GRTP1: variants seen among roughly 807,000 people sequenced by gnomAD.
The protein encoded by GRTP1 is growth hormone-regulated TBC protein 1.
A neutral mutation model predicts 38.1 loss-of-function variants in GRTP1; 56 were observed. The ratio of observed to expected loss-of-function variants is 1.47; its 90% CI spans 1.19 to 1.84. The LOEUF is 1.84. Among genes scored for constraint, GRTP1 ranks in the 40% most tolerant of loss-of-function variants. GRTP1 has a pLI of 0.00. For missense variants in GRTP1, 506 were observed against 453.9 expected (o/e 1.11, Z -1.04); for synonymous variants, 217 against 189.5 (o/e 1.14, Z -1.19).
chr13:113,350,040 C>A (rs2139491769), intron 4 of GRTP1, among the ~76,000 whole-genome samples: 1 of 152,258 alleles, frequency 6.6e-6, no homozygotes, highest in Non-Finnish European at 1.5e-5. Context: ...GCCACGGGGA[C>A]TCACAGGCAG....
chr13:113,337,845 G>A (rs867181611), intron 5 of GRTP1, among the ~76,000 whole-genome samples: 1 of 152,244 alleles, frequency 6.6e-6, no homozygotes, highest in African/African-American at 2.4e-5. Context: ...TGGCAATTGC[G>A]GCGCCAAGAG....
At chr13:113,352,372 A>ATT (rs1566438134) in intron 3 of GRTP1, among the ~76,000 whole-genome samples, 14 of 128,012 alleles carry the variant, frequency 1.1e-4, no homozygotes, top group East Asian at 2.1e-4. Context: ...ATATATATAT[A>ATT]TATATTTATA....
In GRTP1 at chr13:113,336,675, C is replaced by T. The variant is rs569321019; in HGVS notation, c.562+8188G>A. On this transcript the variant is annotated intron_variant, in intron 5 of 7. Coordinates refer to ENST00000375431, the MANE Select transcript of GRTP1 (RefSeq NM_024719.4). ...CTACCTCTGCACTGGGAACACGAGA[C>T]CCCACCTGATGTCCTGAAGCCCTGA... 2.0e-5 allele frequency among the ~76,000 whole-genome samples: 3 copies of T among 152,242 alleles called. No homozygotes were observed. The South Asian group carries it at 6.2e-4, about 32-fold the overall frequency.
chr13:113,358,600 A>G (rs2043438437), intron 2 of GRTP1, among the ~76,000 whole-genome samples: 1 of 152,206 alleles, frequency 6.6e-6, no homozygotes, highest in South Asian at 2.1e-4. Flanking sequence ...CGTGGTACTG[A>G]AAAAAAGGTA....
At position 113,348,312 on chromosome 13, in the gene GRTP1, G is replaced by A. The variant is rs145288325; in HGVS notation, c.465+2537C>T. The stretch of plus-strand genomic sequence containing the variant: ...TACAAAACATACAAAAATTACTCGA[G>A]CGTGGTGGCGCACCTGTGGTCCCAG... On this transcript the variant is annotated intron_variant, in intron 4 of 7. Coordinates refer to ENST00000375431, the MANE Select transcript of GRTP1 (RefSeq NM_024719.4). The surrounding 1 kb of genome is among the most constrained non-coding windows in gnomAD (Gnocchi z 4.8). Among the ~76,000 whole-genome samples the A allele has an allele frequency of 6.6e-4, 100 of 152,238 alleles. No homozygotes were observed. The highest frequency in any genetic ancestry group is 1.4e-3 in the African/African-American group (57 of 41,546).
In GRTP1 at chr13:113,349,212, A is replaced by G. The variant is rs2043219589; in HGVS notation, c.465+1637T>C. On this transcript the variant is annotated intron_variant, in intron 4 of 7. Transcript: ENST00000375431. This position sits in a 1 kb window ranked among gnomAD's most constrained non-coding sequence, Gnocchi z 5.0. ...GTTTGTTTCTCGGTTTTTTTCAGACAGGGTCTTGCTCTGTTGCCCAGGCTG... is the reference window on the plus strand; with the variant it reads ...GTTTGTTTCTCGGTTTTTTTCAGACGGGGTCTTGCTCTGTTGCCCAGGCTG... Among the ~76,000 whole-genome samples the G allele has an allele frequency of 6.6e-6, 1 of 150,960 alleles. No homozygotes were observed. The highest frequency in any genetic ancestry group is 6.6e-5 in the Admixed American group (1 of 15,144).
chr13:113,348,456 T>C lies in GRTP1; in HGVS notation c.465+2393A>G, dbSNP rs1227071947. Among the ~76,000 whole-genome samples the C allele has an allele frequency of 1.3e-5, 2 of 152,144 alleles. No homozygotes were observed. Among genetic ancestry groups the C allele is most frequent in the African/African-American group, 2.4e-5 (1 of 41,416 alleles). On this transcript the variant is annotated intron_variant, in intron 4 of 7. Transcript: ENST00000375431. This position sits in a 1 kb window ranked among gnomAD's most constrained non-coding sequence, Gnocchi z 4.8. ...ACAGAGCGAGACCGTGTGCACTGTG[T>C]AACTCTACACATATGCCACACATTG...
chr13:113,344,829 C>A, intron 5 of GRTP1, 34 bp downstream of exon 5: 2 of 1,562,952 alleles, frequency 1.3e-6, no homozygotes, highest in Non-Finnish European at 1.7e-6. Context: ...AGAAACAGGA[C>A]AGTTCGGGCA....
At chr13:113,327,530 C>T (rs769243712) in intron 5 of GRTP1, among the ~76,000 whole-genome samples, 55 of 152,220 alleles carry the variant, frequency 3.6e-4, no homozygotes, top group Non-Finnish European at 2.8e-4. Context: ...CAAACACTGA[C>T]GCAACATCAC....
In GRTP1 at chr13:113,324,469, A is replaced by G. The variant is rs1256627361; in HGVS notation, c.*19T>C. 3.8e-6 allele frequency: 6 copies of G among 1,593,988 alleles called. No individual in the cohort carries two copies. The highest frequency in any genetic ancestry group is 1.8e-5 in the Admixed American group (1 of 56,990). On this transcript the variant is annotated 3_prime_UTR_variant, in exon 8 of 8. Transcript: ENST00000375431. The stretch of plus-strand genomic sequence containing the variant: ...GGCATCGTCAGTGTAGAGACGAGCA[A>G]CGCAGGGGACAGGCACGCTCACCCC...
intron 5 of GRTP1, among the ~76,000 whole-genome samples, chr13:113,329,446 C>CA: frequency 6.6e-6 from 1 of 152,018 alleles, no homozygotes; most frequent in East Asian, 1.9e-4. Flanking sequence ...GGCGTGGTGG[C>CA]CAGCACCTGT....
At chr13:113,352,378 T>TTATA (rs35762514) in intron 3 of GRTP1, among the ~76,000 whole-genome samples, 1 of 114,696 alleles carries the variant, frequency 8.7e-6, no homozygotes, top group Non-Finnish European at 1.8e-5. Flanking sequence ...ATATATATAT[T>TTATA]TATATATATA....
At chr13:113,347,437 T>C (rs1300397587) in intron 4 of GRTP1, among the ~76,000 whole-genome samples, 27 of 102,840 alleles carry the variant, frequency 2.6e-4, no homozygotes, top group African/African-American at 1.3e-3. Flanking sequence ...AGGACCTCTG[T>C]GGCTGAGAGC....
rs1236025344 is a variant in GRTP1 at position 113,348,228 on chromosome 13, G to A, written c.465+2621C>T. On this transcript the variant is annotated intron_variant, in intron 4 of 7. Coordinates refer to ENST00000375431, the MANE Select transcript of GRTP1 (RefSeq NM_024719.4). This position sits in a 1 kb window ranked among gnomAD's most constrained non-coding sequence, Gnocchi z 4.8. ...GCACTGTGAGAGGTAGAGGCAGGAG[G>A]ATCGCCTGAGCTCAGGAGTTCAAGA... 6.6e-6 allele frequency among the ~76,000 whole-genome samples: 1 copy of A among 152,180 alleles called. No homozygotes were observed. Among genetic ancestry groups the A allele is most frequent in the African/African-American group, 2.4e-5 (1 of 41,432 alleles).
Position 113,332,424 on chromosome 13 carries a change from C to T in GRTP1, c.563-6333G>A, listed in dbSNP as rs570183660. ...ACAGGTACACACGTGCACACGCACACCACACAGGCACACACGTGCACACGC... is the reference window on the plus strand; with the variant it reads ...ACAGGTACACACGTGCACACGCACATCACACAGGCACACACGTGCACACGC... On this transcript the variant is annotated intron_variant, in intron 5 of 7. Coordinates refer to ENST00000375431, the MANE Select transcript of GRTP1 (RefSeq NM_024719.4). Among the ~76,000 whole-genome samples the T allele has an allele frequency of 5.6e-3, 831 of 148,050 alleles. 3 individuals are homozygous for T. Among genetic ancestry groups the T allele is most frequent in the Middle Eastern group, 0.022 (6 of 276 alleles).
intron 3 of GRTP1, among the ~76,000 whole-genome samples, chr13:113,353,524 G>A (rs548887574): frequency 6.6e-6 from 1 of 152,318 alleles, no homozygotes; most frequent in African/African-American, 2.4e-5. Context: ...GCAGCCCACG[G>A]GACTCCTCTT....
rs1441651155 is a variant in GRTP1 at position 113,324,591 on chromosome 13, A to G, written c.922-14T>C. On this transcript the variant is annotated splice_polypyrimidine_tract_variant and intron_variant, in intron 7 of 7. Coordinates refer to ENST00000375431, the MANE Select transcript of GRTP1 (RefSeq NM_024719.4). ...TGAAAATATTTTCTGGAAGGCAAACAGTTAGTTTAAAAACAAACCCAACAA... is the reference window on the plus strand; with the variant it reads ...TGAAAATATTTTCTGGAAGGCAAACGGTTAGTTTAAAAACAAACCCAACAA... The G allele has an allele frequency of 6.3e-7, 1 of 1,588,854 alleles. No individual in the cohort carries two copies. The highest frequency in any genetic ancestry group is 2.3e-5 in the East Asian group (1 of 43,642).
chr13:113,360,609 G>C (rs1384465291), intron 2 of GRTP1, among the ~76,000 whole-genome samples: 1 of 152,172 alleles, frequency 6.6e-6, no homozygotes, highest in Non-Finnish European at 1.5e-5. Context: ...CTGGGACCCA[G>C]GCCCCAGGCC....
intron 3 of GRTP1, among the ~76,000 whole-genome samples, chr13:113,352,374 A>ATT (rs1167007479): frequency 8.2e-4 from 101 of 122,610 alleles, no homozygotes; most frequent in East Asian, 2.2e-3. Flanking sequence ...ATATATATAT[A>ATT]TATTTATATA....
Sources: allele counts gnomAD v4.1 joint callset (sites outside exome capture counted in the v4.1 genomes callset), GRCh38; gene constraint gnomAD v4.1.1; non-coding constraint Gnocchi (gnomAD v3.1); transcripts MANE v1.5; gene names NCBI Gene and HGNC (gene_info 2026-07-23, HGNC 2026-07-21).